The following KCNH1 variants were observed in gnomAD, a reference collection of about 807,000 sequenced individuals.
KCNH1 encodes the protein voltage-gated delayed rectifier potassium channel KCNH1.
Under a neutral mutation model 69.2 loss-of-function variants are expected in KCNH1, and 27 were observed. That is an observed-to-expected ratio of 0.39 (90% CI 0.29 to 0.54). KCNH1 has a LOEUF of 0.54. KCNH1 is among the 20% of genes least tolerant of loss of function. The pLI is 0.68. For missense variants in KCNH1, 798 were observed against 1,261.6 expected, an observed-to-expected ratio of 0.63 and a Z score of 5.57; for synonymous variants, 456 against 487.7, an observed-to-expected ratio of 0.93 and a Z score of 0.86.
chr1:211,084,312 G>A (rs988506972), intron 4 of KCNH1, among the ~76,000 whole-genome samples: 2 of 152,128 alleles, frequency 1.3e-5, no homozygotes, highest in Non-Finnish European at 2.9e-5. Flanking sequence ...AAAGCTTTTC[G>A]AGAAGAGCAG....
intron 7 of KCNH1, among the ~76,000 whole-genome samples, chr1:210,882,989 A>G (rs1014174142): frequency 1.3e-5 from 2 of 152,224 alleles, no homozygotes; most frequent in Admixed American, 6.5e-5. Flanking sequence ...TGCATTACGG[A>G]AGAATGAGTA....
intron 10 of KCNH1, among the ~76,000 whole-genome samples, chr1:210,718,267 T>A (rs995040729): frequency 5.9e-5 from 5 of 84,586 alleles, no homozygotes; most frequent in Admixed American, 2.7e-4. Context: ...ATATTATAAA[T>A]ATATGTGCAT....
intron 5 of KCNH1, among the ~76,000 whole-genome samples, chr1:211,077,155 G>T (rs149966140): frequency 7.4e-4 from 112 of 152,264 alleles, no homozygotes; most frequent in African/African-American, 2.6e-3. Flanking sequence ...GAAACTGATG[G>T]GGAGAATGGA....
chr1:210,829,113 G>A (rs954809322), intron 7 of KCNH1, among the ~76,000 whole-genome samples: 4 of 152,074 alleles, frequency 2.6e-5, no homozygotes, highest in African/African-American at 7.2e-5. Flanking sequence ...ACTGACACAC[G>A]GGGCACTCCA....
intron 5 of KCNH1, among the ~76,000 whole-genome samples, chr1:211,069,863 T>C (rs1690604352): frequency 6.6e-6 from 1 of 152,222 alleles, no homozygotes; most frequent in Admixed American, 6.5e-5. Context: ...AATGGATTTG[T>C]TTATATTTTA....
At chr1:210,984,586 T>C (rs1435198649) in intron 6 of KCNH1, among the ~76,000 whole-genome samples, 1 of 152,214 alleles carries the variant, frequency 6.6e-6, no homozygotes, top group Admixed American at 6.5e-5. Flanking sequence ...TTTTTGATTT[T>C]CGTATGTTGA....
chr1:210,891,836 G>A (rs1232389782), intron 7 of KCNH1, among the ~76,000 whole-genome samples: 3 of 152,080 alleles, frequency 2.0e-5, no homozygotes, highest in Admixed American at 1.3e-4. Flanking sequence ...GTGATAGACT[G>A]GATAAAGAAA....
intron 10 of KCNH1, among the ~76,000 whole-genome samples, chr1:210,719,603 T>C (rs1682401745): frequency 6.6e-6 from 1 of 152,022 alleles, no homozygotes; most frequent in Non-Finnish European, 1.5e-5. Flanking sequence ...CATGCAGGGC[T>C]TAAAACCTAG....
At chr1:210,713,514 A>G (rs894931176) in intron 10 of KCNH1, among the ~76,000 whole-genome samples, 1 of 152,242 alleles carries the variant, frequency 6.6e-6, no homozygotes, top group East Asian at 1.9e-4. Context: ...ACAGACATCA[A>G]GATGTGATCT....
intron 6 of KCNH1, among the ~76,000 whole-genome samples, chr1:210,986,705 C>T (rs1688842731): frequency 6.6e-6 from 1 of 152,218 alleles, no homozygotes; most frequent in African/African-American, 2.4e-5. Context: ...TTCTCTCTGG[C>T]TGCCCTTAAC....
rs1165731164 is a variant in KCNH1, at chr1:211,045,040, G to GGATATATA, written c.559-25792_559-25785dup. 5.1e-4 allele frequency among the ~76,000 whole-genome samples: 14 copies of GGATATATA among 27,408 alleles called. 1 individual carries two copies. Among genetic ancestry groups the GGATATATA allele is most frequent in the African/African-American group, 1.4e-3 (13 of 9,566 alleles). The allele number at this position is 27,408 out of a possible 152,430, so 18.0% of individuals were successfully genotyped here. A position where few individuals can be genotyped will look rare whatever the true frequency, so the allele number is the denominator to read the frequency against. On this transcript the variant is annotated intron_variant, in intron 5 of 10. Transcript: ENST00000271751. ...AATCAATGTGTGGATAAATTGTGGG[G>GGATATATA]GATATATATATATATATATGAATAA...
In KCNH1 at chr1:210,862,253, G is replaced by A. The variant is rs552119173; in HGVS notation, c.1462+57387C>T. ...TGCAGGGCTGGGTCCATGGTGCCCC[G>A]CAGGGCCTCGATAATGGTGTTGGGG... is the stretch of plus-strand genomic sequence containing the variant. On this transcript the variant is annotated intron_variant, in intron 7 of 10. Coordinates refer to ENST00000271751, the MANE Select transcript of KCNH1 (RefSeq NM_172362.3). 5.1e-5 allele frequency: 54 copies of A among 1,060,306 alleles called. 1 individual carries two copies. In the East Asian group the frequency reaches 1.1e-3, roughly 22 times the overall value. 65.7% of individuals were successfully genotyped at this position (1,060,306 alleles called of 1,614,324 possible).
chr1:210,686,366 A>C (rs989168150), intron 10 of KCNH1, among the ~76,000 whole-genome samples: 10 of 152,126 alleles, frequency 6.6e-5, no homozygotes, highest in African/African-American at 2.2e-4. Context: ...CTCTTCCAGA[A>C]AGTCTTCCCT....
intron 4 of KCNH1, among the ~76,000 whole-genome samples, chr1:211,084,665 G>T (rs1009904715): frequency 3.3e-5 from 5 of 152,192 alleles, no homozygotes; most frequent in Admixed American, 1.3e-4. Flanking sequence ...GGAAATGGAT[G>T]AACAGTGTGA....
Position 211,087,170 on chromosome 1 carries a change from G to A in KCNH1, c.439+3392C>T, listed in dbSNP as rs902757248. On this transcript the variant is annotated intron_variant, in intron 4 of 10. Coordinates refer to ENST00000271751, the MANE Select transcript of KCNH1 (RefSeq NM_172362.3). ...TCAACAGTTACAACAGTTTGCCAGA[G>A]CCTTCATCCTTCAATATTCTACATC... is the stretch of plus-strand genomic sequence containing the variant. 2.6e-5 allele frequency among the ~76,000 whole-genome samples: 4 copies of A among 152,152 alleles called. No homozygotes were observed. In the East Asian group the frequency reaches 7.7e-4, roughly 29 times the overall value.
At chr1:210,928,149 G>C (rs1350206643) in intron 6 of KCNH1, among the ~76,000 whole-genome samples, 1 of 151,986 alleles carries the variant, frequency 6.6e-6, no homozygotes, top group African/African-American at 2.4e-5. Flanking sequence ...CACTAGATAG[G>C]TCATCAAGAC....
At chr1:210,771,212 A>G (rs571850790) in intron 10 of KCNH1, among the ~76,000 whole-genome samples, 1 of 152,294 alleles carries the variant, frequency 6.6e-6, no homozygotes, top group East Asian at 1.9e-4. Context: ...GGAAGGCTCT[A>G]CTTCCCCTTC....
At chr1:210,991,054 A>T (rs536918986) in intron 6 of KCNH1, among the ~76,000 whole-genome samples, 8 of 152,318 alleles carry the variant, frequency 5.3e-5, no homozygotes, top group African/African-American at 1.9e-4. Flanking sequence ...GAGTCCTCAA[A>T]AAAACTAAAA....
intron 7 of KCNH1, among the ~76,000 whole-genome samples, chr1:210,856,795 T>A (rs1231765021): frequency 1.6e-5 from 2 of 125,238 alleles, no homozygotes; most frequent in Non-Finnish European, 3.3e-5. Flanking sequence ...ATATATATAT[T>A]TATATTTATA....
Sources: allele counts gnomAD v4.1 joint callset (sites outside exome capture counted in the v4.1 genomes callset), GRCh38; gene constraint gnomAD v4.1.1; transcripts MANE v1.5; gene names NCBI Gene and HGNC (gene_info 2026-07-23, HGNC 2026-07-21).